CDR2L: variants seen among roughly 807,000 people sequenced by gnomAD.
CDR2L encodes cerebellar degeneration-related protein 2-like.
A neutral mutation model predicts 36.1 loss-of-function variants in CDR2L; 19 were observed. The ratio of observed to expected loss-of-function variants is 0.53; its 90% confidence interval spans 0.37 to 0.77. The LOEUF is 0.77. Among genes scored for constraint, CDR2L ranks in the 30% least tolerant of loss-of-function variants. The pLI is 0.00. For synonymous variants in CDR2L, 285 were observed against 280.4 expected, an observed-to-expected ratio of 1.02 and a Z score of -0.16; for missense variants, 575 against 627.2, an observed-to-expected ratio of 0.92 and a Z score of 0.89.
chr17:74,991,723 A>AG (rs1296837250), intron 1 of CDR2L, among the ~76,000 whole-genome samples: 2 of 20,596 alleles, frequency 9.7e-5, no homozygotes, highest in East Asian at 8.6e-3. Flanking sequence ...TCTCAAAAAA[A>AG]GAAAAAAAGA....
intron 1 of CDR2L, among the ~76,000 whole-genome samples, chr17:74,991,974 T>G (rs987921753): frequency 3.3e-5 from 5 of 152,116 alleles, no homozygotes; most frequent in African/African-American, 1.2e-4. Flanking sequence ...GCCTCCACCC[T>G]GGTTACCCCA....
chr17:74,990,778 G>A (rs2039791837), intron 1 of CDR2L, among the ~76,000 whole-genome samples: 1 of 152,368 alleles, frequency 6.6e-6, no homozygotes, highest in African/African-American at 2.4e-5. Flanking sequence ...TGGAGAGCTG[G>A]ATGGTGGGAC....
Position 75,004,198 on chromosome 17 carries a change from TC to T in CDR2L, c.*126del. The T allele has an allele frequency of 1.2e-6, 1 of 810,348 alleles. No individual in the cohort carries two copies. The highest frequency in any genetic ancestry group is 1.9e-6 in the Non-Finnish European group (1 of 523,892). The allele number at this position is 810,348 out of a possible 1,614,324, so 50.2% of individuals were successfully genotyped here. On this transcript the variant is annotated 3_prime_UTR_variant, in exon 5 of 5. Transcript: ENST00000337231. ...GCCACCACAGCACGCGGCCTCCTGA[TC>T]CGGAAGCACGCAGCATGTTCCCTGC...
In CDR2L at chr17:75,003,530, C is replaced by T; in HGVS notation, c.854C>T (p.Ala285Val). 2.0e-6 allele frequency: 3 copies of T among 1,517,630 alleles called. No individual in the cohort carries two copies. 94.0% of individuals were successfully genotyped at this position (1,517,630 alleles called of 1,614,324 possible). The change falls in exon 5 of 5, where the codon GCC (alanine) becomes GTC (valine). Residue 285 changes from alanine to valine, a missense_variant. Ala to Val is a moderately conservative substitution (Grantham distance 64, BLOSUM62 0). Coordinates refer to ENST00000337231, the MANE Select transcript of CDR2L (RefSeq NM_014603.3). ...LLAPLTQAPE[A>V]DDPQPGRGDD... The stretch of plus-strand genomic sequence containing the variant: ...GCACCCCTCACGCAGGCCCCTGAGG[C>T]CGACGATCCCCAGCCCGGCCGCGGG...
At chr17:74,993,270 C>CTGTA (rs944333958) in intron 1 of CDR2L, among the ~76,000 whole-genome samples, 1 of 151,804 alleles carries the variant, frequency 6.6e-6, no homozygotes. Context: ...TAGTACAGGG[C>CTGTA]TGTAGTTCAA....
In CDR2L at chr17:75,005,770, A is replaced by T. The variant is rs2039899884; in HGVS notation, c.*1696A>T. 1 of 152,632 alleles carries T rather than the reference A, an allele frequency of 6.6e-6. No homozygotes were observed. The highest frequency in any genetic ancestry group is 6.5e-5 in the Admixed American group (1 of 15,282). The allele number at this position is 152,632 out of a possible 1,614,324, so 9.5% of individuals were successfully genotyped here. ...CAAATGCTTTATTCTCTTCTTTAAT[A>T]AAAAATGCACCAGTATTCTAAAAGC... On this transcript the variant is annotated 3_prime_UTR_variant, in exon 5 of 5. Transcript: ENST00000337231. The surrounding 1 kb of genome is among the most constrained non-coding windows in gnomAD (Gnocchi z 4.2).
chr17:74,989,814 T>C lies in CDR2L; in HGVS notation c.79+1692T>C, dbSNP rs1053628073. 1.3e-5 allele frequency among the ~76,000 whole-genome samples: 2 copies of C among 152,062 alleles called. No homozygotes were observed. The highest frequency in any genetic ancestry group is 4.8e-5 in the African/African-American group (2 of 41,390). Reference sequence around the variant, plus strand: ...GGACCACACCTGGCTAATTTTTGTATTTTTAGTAGAGACAGGGTTTCACCA... The same window carrying C: ...GGACCACACCTGGCTAATTTTTGTACTTTTAGTAGAGACAGGGTTTCACCA... On this transcript the variant is annotated intron_variant, in intron 1 of 4. Coordinates refer to ENST00000337231, the MANE Select transcript of CDR2L (RefSeq NM_014603.3). The surrounding 1 kb of genome is among the most constrained non-coding windows in gnomAD (Gnocchi z 4.2).
Position 75,003,732 on chromosome 17 carries a change from C to A in CDR2L, c.1056C>A (p.Ile352=). 6.8e-7 allele frequency: 1 copy of A among 1,472,660 alleles called. No individual in the cohort carries two copies. Among genetic ancestry groups the A allele is most frequent in the South Asian group, 1.4e-5 (1 of 70,640 alleles). The allele number at this position is 1,472,660 out of a possible 1,614,324, so 91.2% of individuals were successfully genotyped here. A position where few individuals can be genotyped will look rare whatever the true frequency, so the allele number is the denominator to read the frequency against. ...ANSVRKRGMS[I]LREVDEQYHA... is the part of the protein sequence containing the mutation. The stretch of plus-strand genomic sequence containing the variant: ...GCGTGCGCAAGCGGGGCATGTCCAT[C>A]CTGCGGGAGGTGGACGAGCAGTACC... Residue 352 remains isoleucine, a synonymous_variant, in exon 5 of 5, where the codon ATC becomes ATA. Transcript: ENST00000337231.
In CDR2L at chr17:74,999,561, A is replaced by G. The variant is rs2039852096; in HGVS notation, c.137A>G (p.Glu46Gly). 4 of 1,589,168 alleles carry G rather than the reference A, an allele frequency of 2.5e-6. No individual in the cohort carries two copies. The highest frequency in any genetic ancestry group is 1.2e-5 in the South Asian group (1 of 86,548). The part of the protein sequence containing the change: ...KTLLERNKEL[E>G]GSLQQMYSTN... ...CTGCTGGAGAGGAACAAGGAGCTGG[A>G]GGGGTCCCTGCAGCAGATGTACTCC... is the stretch of plus-strand genomic sequence containing the variant. Residue 46 changes from glutamate to glycine, a missense_variant, in exon 2 of 5, where the codon GAG (glutamate) becomes GGG (glycine). Transcript: ENST00000337231.
At position 75,003,167 on chromosome 17, in the gene CDR2L, T is replaced by C; in HGVS notation, c.507-16T>C. The C allele has an allele frequency of 6.4e-7, 1 of 1,555,124 alleles. No individual in the cohort carries two copies. The highest frequency in any genetic ancestry group is 8.7e-7 in the Non-Finnish European group (1 of 1,150,340). On this transcript the variant is annotated splice_polypyrimidine_tract_variant and intron_variant, in intron 4 of 4. Coordinates refer to ENST00000337231, the MANE Select transcript of CDR2L (RefSeq NM_014603.3). ...TCCTCCGCCCCCACCCCGCTGCGAC[T>C]CTCACTACCCGCCAGGTGCAAGGAT...
rs2039881348 is a variant in CDR2L, at chr17:75,003,488, T to C, written c.812T>C (p.Leu271Pro). 1.2e-5 allele frequency: 18 copies of C among 1,559,214 alleles called. No homozygotes were observed. Among genetic ancestry groups the C allele is most frequent in the South Asian group, 2.4e-5 (2 of 84,390 alleles). Residue 271 changes from leucine (L) to proline (P), a missense_variant, in exon 5 of 5, where the codon CTG becomes CCG. Leu to Pro is a moderately conservative substitution (Grantham distance 98). Transcript: ENST00000337231. ...KTYLLGPDDHLAEALLAPLTQ... is the reference protein window; with the variant it reads ...KTYLLGPDDHPAEALLAPLTQ... ...TACCTACTGGGTCCGGACGACCACC[T>C]GGCCGAGGCCCTGCTCGCACCCCTC...
At chr17:74,990,744 G>A (rs747785525) in intron 1 of CDR2L, among the ~76,000 whole-genome samples, 1 of 152,242 alleles carries the variant, frequency 6.6e-6, no homozygotes, top group Non-Finnish European at 1.5e-5. Context: ...GGCCCTGCCC[G>A]CCCTGTGCCC....
At position 75,001,494 on chromosome 17, in the gene CDR2L, G is replaced by A. The variant is rs760771582; in HGVS notation, c.341+5G>A. On this transcript the variant is annotated splice_donor_5th_base_variant and intron_variant, in intron 3 of 4. Transcript: ENST00000337231. ...TGCCCAGCAGAAGATCCATGGGTGA[G>A]GGCCCGGCTGAGGGCTGGGGGGCGG... is the stretch of plus-strand genomic sequence containing the variant. 2 of 1,543,134 alleles carry A rather than the reference G, an allele frequency of 1.3e-6. No individual in the cohort carries two copies. Among genetic ancestry groups the A allele is most frequent in the Non-Finnish European group, 1.7e-6 (2 of 1,147,148 alleles).
In CDR2L at chr17:75,002,142, A is replaced by G. The variant is rs145581993; in HGVS notation, c.420A>G (p.Glu140=). The part of the protein sequence containing the change: ...QAQVEQLRGL[E]QLRVLREKRE... ...AGGTGGAGCAACTGAGAGGCCTGGA[A>G]CAGCTGCGAGTGCTCCGGGAGAAGC... The change falls in exon 4 of 5, where the codon GAA becomes GAG. Residue 140 remains glutamate (E), a synonymous_variant. Coordinates refer to ENST00000337231, the MANE Select transcript of CDR2L (RefSeq NM_014603.3). This position sits in a 1 kb window ranked among gnomAD's most constrained non-coding sequence, Gnocchi z 4.1. The G allele has an allele frequency of 1.4e-5, 22 of 1,605,080 alleles. No individual in the cohort carries two copies. The highest frequency in any genetic ancestry group is 1.7e-4 in the Middle Eastern group (1 of 5,928).
At chr17:74,988,171 C>T (rs2039775210) in intron 1 of CDR2L, 49 bp downstream of exon 1, 1 of 1,334,186 alleles carries the variant, frequency 7.5e-7, no homozygotes, top group Non-Finnish European at 1.0e-6. Context: ...GCCCGGTGAC[C>T]CCTGTCCGCT....
At chr17:74,992,181 A>G (rs1466407592) in intron 1 of CDR2L, among the ~76,000 whole-genome samples, 1 of 152,052 alleles carries the variant, frequency 6.6e-6, no homozygotes, top group Non-Finnish European at 1.5e-5. Flanking sequence ...TGCCCGAGCC[A>G]GTGAGGGACA....
intron 1 of CDR2L, 143 bp downstream of exon 1, chr17:74,988,265 A>C: frequency 1.9e-6 from 1 of 513,914 alleles, no homozygotes; most frequent in Non-Finnish European, 3.3e-6. Flanking sequence ...CGTCTGGAGA[A>C]CCGGGACGTG....
intron 1 of CDR2L, among the ~76,000 whole-genome samples, chr17:74,994,207 C>T (rs544008966): frequency 1.3e-5 from 2 of 152,304 alleles, no homozygotes; most frequent in East Asian, 1.9e-4. Flanking sequence ...ACTTTCTGTC[C>T]GGGAGTATAG....
At chr17:74,996,907 C>A (rs1263629909) in intron 1 of CDR2L, among the ~76,000 whole-genome samples, 1 of 152,206 alleles carries the variant, frequency 6.6e-6, no homozygotes, top group Non-Finnish European at 1.5e-5. Context: ...GCAAGTCACT[C>A]TGCTGTCCTG....
Sources: allele counts gnomAD v4.1 joint callset (sites outside exome capture counted in the v4.1 genomes callset), GRCh38; gene constraint gnomAD v4.1.1; non-coding constraint Gnocchi (gnomAD v3.1); transcripts MANE v1.5; gene names NCBI Gene and HGNC (gene_info 2026-07-23, HGNC 2026-07-21).